Variants in TMEM272 observed in about 807,000 individuals in gnomAD.
TMEM272 encodes long intergenic non-protein coding RNA 282.
TMEM272 carries 8 observed loss-of-function variants against 3.7 expected under a neutral mutation model. The ratio of observed to expected loss-of-function variants is 2.17; its 90% CI spans 1.27 to 3.91. TMEM272 has a LOEUF of 3.91. Ranked by LOEUF, TMEM272 falls within the 30% of genes most tolerant of loss-of-function variation. The probability of loss-of-function intolerance (pLI) is 0.00; values close to 1 mark genes in which losing one functional copy is unlikely to be tolerated. For missense variants in TMEM272, 166 were observed against 91.5 expected (o/e 1.81, Z -3.32); for synonymous variants, 63 against 39.8 (o/e 1.58, Z -2.20).
At chr13:51,835,890 T>C (rs1956212947) in intron 2 of TMEM272, among the ~76,000 whole-genome samples, 1 of 152,270 alleles carries the variant, frequency 6.6e-6, no homozygotes, top group African/African-American at 2.4e-5. Context: ...CTTATTAATA[T>C]AGTACCTTAG....
chr13:51,822,414 A>G (rs906544409), intron 3 of TMEM272, among the ~76,000 whole-genome samples: 2 of 152,182 alleles, frequency 1.3e-5, no homozygotes, highest in Non-Finnish European at 2.9e-5. Context: ...TTAACTGGCT[A>G]TGGGTTGCAC....
the TMEM272 span, among the ~76,000 whole-genome samples, chr13:51,858,314 T>A: frequency 6.6e-6 from 1 of 152,140 alleles, no homozygotes; most frequent in Non-Finnish European, 1.5e-5. Context: ...ACATGGAACA[T>A]TTACCACAAT....
the TMEM272 span, among the ~76,000 whole-genome samples, chr13:51,914,213 G>A: frequency 6.6e-6 from 1 of 152,206 alleles, no homozygotes; most frequent in Non-Finnish European, 1.5e-5. Flanking sequence ...GGGTGCTACA[G>A]GCCAATACAT....
rs181068868 is a variant in TMEM272, at chr13:51,819,712, T to C, written c.201+2343A>G. Among the ~76,000 whole-genome samples the C allele has an allele frequency of 1.9e-3, 285 of 152,302 alleles. 1 individual carries two copies. Among genetic ancestry groups the C allele is most frequent in the Non-Finnish European group, 3.0e-3 (207 of 68,022 alleles). On this transcript the variant is annotated intron_variant, in intron 4 of 4. Transcript: ENST00000629372. ...TGCCTCAAAGGGGCACGGTGAGGAC[T>C]GAATGAATTCCAAATGAGGGCAGAG... is the stretch of plus-strand genomic sequence containing the variant.
the TMEM272 span, among the ~76,000 whole-genome samples, chr13:51,878,362 G>A: frequency 6.6e-6 from 1 of 152,104 alleles, no homozygotes; most frequent in Non-Finnish European, 1.5e-5. Context: ...CCCGAGAGGC[G>A]GAGGTTGCGG....
At chr13:51,840,546 C>T (rs190214495) in intron 1 of TMEM272, among the ~76,000 whole-genome samples, 1 of 152,240 alleles carries the variant, frequency 6.6e-6, no homozygotes, top group African/African-American at 2.4e-5. Context: ...GCTGAGCACC[C>T]AAGGTTTTCT....
At chr13:51,828,172 C>T (rs1249054433) in intron 2 of TMEM272, among the ~76,000 whole-genome samples, 2 of 152,186 alleles carry the variant, frequency 1.3e-5, no homozygotes, top group East Asian at 3.9e-4. Context: ...TTATAGGAGC[C>T]AATAAATCCC....
At chr13:51,917,234 T>C in the TMEM272 span, among the ~76,000 whole-genome samples, 1 of 152,166 alleles carries the variant, frequency 6.6e-6, no homozygotes, top group Non-Finnish European at 1.5e-5. Flanking sequence ...CCCAGGTCTC[T>C]CTCTCTCAAC....
intron 4 of TMEM272, among the ~76,000 whole-genome samples, chr13:51,821,667 TCAAAAAAAAAAAAAAAAAAAG>T (rs1381651001): frequency 4.5e-5 from 2 of 44,266 alleles, no homozygotes; most frequent in African/African-American, 1.3e-4. Context: ...TTTTTTTTCC[TCAAAAAAAAAAAAAAAAAAAG>T]CAAAAAAAAA....
chr13:51,915,951 T>C, the TMEM272 span, among the ~76,000 whole-genome samples: 1 of 152,044 alleles, frequency 6.6e-6, no homozygotes. Flanking sequence ...TGTGCACATG[T>C]AGTCCCAGCT....
chr13:51,837,326 C>A (rs1457205721), intron 2 of TMEM272, among the ~76,000 whole-genome samples: 1 of 152,112 alleles, frequency 6.6e-6, no homozygotes, highest in Non-Finnish European at 1.5e-5. Flanking sequence ...AGATGTAGAG[C>A]AACAATATAG....
At chr13:51,932,119 C>A in the TMEM272 span, among the ~76,000 whole-genome samples, 2 of 152,144 alleles carry the variant, frequency 1.3e-5, no homozygotes, top group Non-Finnish European at 2.9e-5. Context: ...GTGCCTCCTT[C>A]CACTCTTTGA....
At chr13:51,830,951 G>A (rs573404230) in intron 2 of TMEM272, among the ~76,000 whole-genome samples, 7 of 151,242 alleles carry the variant, frequency 4.6e-5, no homozygotes, top group Non-Finnish European at 2.9e-5. Flanking sequence ...ACTCTTGCTC[G>A]AGGTCGAATG....
chr13:51,853,177 C>T, the TMEM272 span, among the ~76,000 whole-genome samples: 65,781 of 151,960 alleles, frequency 0.43, 15,451 homozygotes, highest in Non-Finnish European at 0.52. Flanking sequence ...GAGACTGAGG[C>T]AGGCAGATCA....
At chr13:51,832,175 C>T (rs574540103) in intron 2 of TMEM272, among the ~76,000 whole-genome samples, 15 of 152,308 alleles carry the variant, frequency 9.8e-5, no homozygotes, top group Non-Finnish European at 2.1e-4. Flanking sequence ...GGGCTGCTCT[C>T]ACGACTGCTG....
At chr13:51,838,588 T>G (rs1042238837) in intron 1 of TMEM272, 35 bp from the exon 2 acceptor site, 1 of 702,864 alleles carries the variant, frequency 1.4e-6, no homozygotes, top group Non-Finnish European at 2.6e-6. Flanking sequence ...GAAAGGATGG[T>G]GGAAGGATTT....
chr13:51,836,882 G>C (rs969620906), intron 2 of TMEM272, among the ~76,000 whole-genome samples: 8 of 152,336 alleles, frequency 5.3e-5, no homozygotes, highest in Admixed American at 5.2e-4. Flanking sequence ...AGTGAGAAGG[G>C]AAGAAGAAAG....
At chr13:51,835,829 T>A (rs1458101960) in intron 2 of TMEM272, among the ~76,000 whole-genome samples, 1 of 152,240 alleles carries the variant, frequency 6.6e-6, no homozygotes. Context: ...TTTAAGTTTT[T>A]AAATTTTTTA....
At position 51,815,619 on chromosome 13, in the gene TMEM272, GC is replaced by G. The variant is rs1488421268; in HGVS notation, c.*1131del. 3 of 152,248 alleles carry G rather than the reference GC, an allele frequency of 2.0e-5. No homozygotes were observed. Among genetic ancestry groups the G allele is most frequent in the African/African-American group, 7.2e-5 (3 of 41,454 alleles). 9.4% of individuals were successfully genotyped at this position (152,248 alleles called of 1,614,324 possible). A position where few individuals can be genotyped will look rare whatever the true frequency, so the allele number is the denominator to read the frequency against. On this transcript the variant is annotated 3_prime_UTR_variant, in exon 5 of 5. Coordinates refer to ENST00000629372, the MANE Select transcript of TMEM272 (RefSeq NM_001351003.2). Reference sequence around the variant, plus strand: ...CTGAGAGAAGCACGGTTAAGCAGGTGCCACGCACCCCTGGGCACTGCCCTAG... The same window carrying G: ...CTGAGAGAAGCACGGTTAAGCAGGTGCACGCACCCCTGGGCACTGCCCTAG...
Sources: gnomAD v4.1 joint callset for allele counts (sites outside exome capture counted in the v4.1 genomes callset) on GRCh38, gnomAD v4.1.1 for gene constraint, MANE v1.5 for transcripts, NCBI Gene and HGNC (gene_info 2026-07-23, HGNC 2026-07-21) for gene names.